KMO: variants seen among roughly 807,000 people sequenced by gnomAD.
KMO encodes the protein kynurenine 3-monooxygenase.
A neutral mutation model predicts 57.8 loss-of-function variants in KMO; 24 were observed. The observed-to-expected ratio is 0.42, with a 90% CI of 0.30 to 0.58. The LOEUF (loss-of-function observed/expected upper bound fraction) is 0.58. KMO is among the 20% of genes least tolerant of loss of function. The probability of loss-of-function intolerance (pLI) is 0.22; values close to 1 mark genes in which losing one functional copy is unlikely to be tolerated. For missense variants in KMO, 483 were observed against 588.2 expected, an observed-to-expected ratio of 0.82 and a Z score of 1.85; for synonymous variants, 210 against 193.6, an observed-to-expected ratio of 1.08 and a Z score of -0.70.
intron 14 of KMO, among the ~76,000 whole-genome samples, chr1:241,591,738 A>C (rs889205819): frequency 2.0e-5 from 3 of 152,184 alleles, no homozygotes; most frequent in African/African-American, 7.2e-5. Flanking sequence ...ACCTGGATTC[A>C]TGAGTTTCCT....
At chr1:241,591,005 G>GT (rs2147987983) in intron 14 of KMO, among the ~76,000 whole-genome samples, 1 of 152,292 alleles carries the variant, frequency 6.6e-6, no homozygotes, top group African/African-American at 2.4e-5. Flanking sequence ...AACACCTGGA[G>GT]TATTATCTTG....
Position 241,592,260 on chromosome 1 carries a change from C to T in KMO, c.*107C>T. On this transcript the variant is annotated 3_prime_UTR_variant, in exon 15 of 15. Coordinates refer to ENST00000366559, the MANE Select transcript of KMO (RefSeq NM_003679.5). Reference sequence around the variant, plus strand: ...TGATTCACTAGTGGAAGATAGTGTTCTGCTTATAATTAAACTGAATGTAGA... The same window carrying T: ...TGATTCACTAGTGGAAGATAGTGTTTTGCTTATAATTAAACTGAATGTAGA... 1 of 780,194 alleles carries T rather than the reference C, an allele frequency of 1.3e-6. No homozygotes were observed. Among genetic ancestry groups the T allele is most frequent in the Non-Finnish European group, 2.1e-6 (1 of 475,940 alleles). The allele number at this position is 780,194 out of a possible 1,614,324, so 48.3% of individuals were successfully genotyped here. A position where few individuals can be genotyped will look rare whatever the true frequency, so the allele number is the denominator to read the frequency against.
rs1663341213 is a variant in KMO at position 241,592,413 on chromosome 1, C to T, written c.*260C>T. The T allele has an allele frequency of 1.1e-5, 5 of 449,964 alleles. No individual in the cohort carries two copies. Among genetic ancestry groups the T allele is most frequent in the Non-Finnish European group, 2.0e-5 (5 of 247,192 alleles). 27.9% of individuals were successfully genotyped at this position (449,964 alleles called of 1,614,324 possible). A position where few individuals can be genotyped will look rare whatever the true frequency, so the allele number is the denominator to read the frequency against. ...ACTATAAAAGTGCAATGACTAAGAT[C>T]CTTCACTTCTCTGAAAGTAAGGCCC... is the stretch of plus-strand genomic sequence containing the variant. On this transcript the variant is annotated 3_prime_UTR_variant, in exon 15 of 15. Transcript: ENST00000366559.
intron 1 of KMO, among the ~76,000 whole-genome samples, chr1:241,542,343 A>G (rs974793940): frequency 6.6e-6 from 1 of 152,226 alleles, no homozygotes; most frequent in Admixed American, 6.5e-5. Flanking sequence ...ATCCCTATAC[A>G]GCACATGACC....
rs569339462 is a variant in KMO at position 241,580,104 on chromosome 1, TCA to T, written c.958-6571_958-6570del. On this transcript the variant is annotated intron_variant, in intron 10 of 14. Coordinates refer to ENST00000366559, the MANE Select transcript of KMO (RefSeq NM_003679.5). ...ATCCTGGAGGCAGGCTCTCACCCTC[TCA>T]CACTTTGAGGACTTAACAATTTTTC... 2.0e-5 allele frequency among the ~76,000 whole-genome samples: 3 copies of T among 152,158 alleles called. No individual in the cohort carries two copies. In the South Asian group the frequency reaches 6.2e-4, roughly 32 times the overall value.
Position 241,594,398 on chromosome 1 carries a change from G to A in KMO, c.*2245G>A. ...AGTCCAAAAGTGGCATCCAATTTAA[G>A]GCCCCATCTTTCGTTGCCATTCTTC... is the stretch of plus-strand genomic sequence containing the variant. On this transcript the variant is annotated 3_prime_UTR_variant, in exon 15 of 15. Coordinates refer to ENST00000366559, the MANE Select transcript of KMO (RefSeq NM_003679.5). 6.3e-7 allele frequency: 1 copy of A among 1,599,086 alleles called. No homozygotes were observed. Among genetic ancestry groups the A allele is most frequent in the South Asian group, 1.1e-5 (1 of 88,796 alleles).
rs138711779 is a variant in KMO at position 241,532,484 on chromosome 1, A to G, written c.40A>G (p.Ile14Val). 801 of 1,609,802 alleles carry G rather than the reference A, an allele frequency of 5.0e-4. No homozygotes were observed. The highest frequency in any genetic ancestry group is 5.9e-4 in the Non-Finnish European group (695 of 1,178,838). Residue 14 changes from isoleucine to valine, a missense_variant, in exon 1 of 15, where the codon ATT becomes GTT. By Grantham distance (29) the Ile-to-Val change is conservative. Transcript: ENST00000366559. Reference protein sequence around the residue: ...SVIQRKKVAVIGGGLVGSLQA... With the variant: ...SVIQRKKVAVVGGGLVGSLQA... ...CATTCAAAGGAAAAAAGTAGCTGTC[A>G]TTGGTGGTGGCTTGGTAAGAATTTT...
chr1:241,564,922 C>A, intron 7 of KMO, 65 bp from the exon 8 acceptor site: 1 of 976,746 alleles, frequency 1.0e-6, no homozygotes, highest in Middle Eastern at 2.1e-4. Flanking sequence ...TATTATAAAG[C>A]TGAGTCCGTT....
intron 10 of KMO, among the ~76,000 whole-genome samples, chr1:241,571,431 C>T (rs973318531): frequency 1.3e-5 from 2 of 152,054 alleles, no homozygotes; most frequent in Non-Finnish European, 2.9e-5. Context: ...TTGTCATATA[C>T]AGCTTTTATC....
At chr1:241,585,035 G>C (rs550634473) in intron 10 of KMO, among the ~76,000 whole-genome samples, 9 of 152,068 alleles carry the variant, frequency 5.9e-5, no homozygotes, top group Non-Finnish European at 1.2e-4. Flanking sequence ...AGGCCAGCCT[G>C]GTCAACATGG....
intron 14 of KMO, 172 bp downstream of exon 14, chr1:241,590,435 C>G (rs1382369895): frequency 1.8e-6 from 1 of 558,204 alleles, no homozygotes; most frequent in African/African-American, 1.9e-5. Flanking sequence ...TACTGAAAAA[C>G]ATTACAAGGA....
chr1:241,556,516 G>A (rs1490873695), intron 5 of KMO, among the ~76,000 whole-genome samples: 2 of 152,158 alleles, frequency 1.3e-5, no homozygotes, highest in East Asian at 1.9e-4. Context: ...GAGTGTTCAC[G>A]CTGATGAAGA....
chr1:241,537,976 C>T (rs1660807555), intron 1 of KMO, among the ~76,000 whole-genome samples: 1 of 152,100 alleles, frequency 6.6e-6, no homozygotes, highest in African/African-American at 2.4e-5. Flanking sequence ...CACAGGACAG[C>T]CCAGCAAGGA....
chr1:241,588,611 G>T, intron 11 of KMO, 137 bp from the exon 12 acceptor site: 3 of 596,122 alleles, frequency 5.0e-6, no homozygotes, highest in Non-Finnish European at 9.1e-6. Flanking sequence ...TAGATTGTTG[G>T]TTATACAGAA....
Position 241,593,192 on chromosome 1 carries a change from G to T in KMO, c.*1039G>T. 1 of 241,958 alleles carries T rather than the reference G, an allele frequency of 4.1e-6. No homozygotes were observed. The allele number at this position is 241,958 out of a possible 1,614,324, so 15.0% of individuals were successfully genotyped here. ...TGTGCCAGAATGGAAAGGAAACAAG[G>T]GGAGACAACTTTTATAGAAATACAA... On this transcript the variant is annotated 3_prime_UTR_variant, in exon 15 of 15. Coordinates refer to ENST00000366559, the MANE Select transcript of KMO (RefSeq NM_003679.5).
chr1:241,534,615 T>C (rs1487019438), intron 1 of KMO, among the ~76,000 whole-genome samples: 1 of 152,250 alleles, frequency 6.6e-6, no homozygotes, highest in African/African-American at 2.4e-5. Context: ...TGAGGCTCTA[T>C]ATCCAAAATA....
chr1:241,568,266 T>C (rs1222625895), intron 9 of KMO, among the ~76,000 whole-genome samples: 3 of 152,214 alleles, frequency 2.0e-5, no homozygotes, highest in African/African-American at 7.2e-5. Context: ...ATTATTCAAA[T>C]GCAGCCAAAC....
intron 11 of KMO, among the ~76,000 whole-genome samples, chr1:241,588,320 CT>C (rs1213102978): frequency 1.9e-5 from 2 of 106,294 alleles, no homozygotes; most frequent in Non-Finnish European, 3.7e-5. Flanking sequence ...ATTTTCTCAT[CT>C]TTTTTTTCTT....
intron 10 of KMO, among the ~76,000 whole-genome samples, chr1:241,579,154 G>T (rs1446683377): frequency 1.3e-5 from 2 of 152,110 alleles, no homozygotes; most frequent in African/African-American, 4.8e-5. Flanking sequence ...CCTGAGTGCA[G>T]GTTATTCTAC....
Sources: gnomAD v4.1 joint callset for allele counts (sites outside exome capture counted in the v4.1 genomes callset) on GRCh38, gnomAD v4.1.1 for gene constraint, MANE v1.5 for transcripts, NCBI Gene and HGNC (gene_info 2026-07-23, HGNC 2026-07-21) for gene names.